The following DOCK1 variants were observed in gnomAD, a reference collection of about 807,000 sequenced individuals.
DOCK1 encodes dedicator of cytokinesis 1.
Under a neutral mutation model 262.7 loss-of-function variants are expected in DOCK1, and 138 were observed. The ratio of observed to expected loss-of-function variants is 0.53; its 90% CI spans 0.46 to 0.61. The LOEUF is 0.61. DOCK1 is among the 20% of genes least tolerant of loss of function. The pLI, the probability that DOCK1 is intolerant of heterozygous loss-of-function variation, is 0.00. For synonymous variants in DOCK1, 866 were observed against 867.4 expected, an observed-to-expected ratio of 1.00 and a Z score of 0.03; for missense variants, 1,908 against 2,370.7, an observed-to-expected ratio of 0.80 and a Z score of 4.05.
chr10:127,420,589 C>A (rs2068443385), intron 46 of DOCK1, among the ~76,000 whole-genome samples: 1 of 152,070 alleles, frequency 6.6e-6, no homozygotes. Flanking sequence ...GTGTCGTAGC[C>A]CAGGCCACTT....
intron 21 of DOCK1, among the ~76,000 whole-genome samples, chr10:127,044,757 C>T (rs534455420): frequency 1.3e-5 from 2 of 152,334 alleles, no homozygotes; most frequent in African/African-American, 4.8e-5. Context: ...TGGCGCCAGC[C>T]TTTCCATGCT....
chr10:127,421,505 T>C (rs1218450974), intron 46 of DOCK1, among the ~76,000 whole-genome samples: 1 of 152,178 alleles, frequency 6.6e-6, no homozygotes, highest in African/African-American at 2.4e-5. Flanking sequence ...CATTTTTAAG[T>C]GTCCAGTTCA....
chr10:127,317,754 C>T (rs780799881), intron 29 of DOCK1, among the ~76,000 whole-genome samples: 5 of 152,082 alleles, frequency 3.3e-5, no homozygotes, highest in Non-Finnish European at 4.4e-5. Context: ...TGAAACTTGC[C>T]GGTGTGCCTG....
chr10:126,981,133 A>T (rs2038942548), intron 3 of DOCK1, among the ~76,000 whole-genome samples: 1 of 151,978 alleles, frequency 6.6e-6, no homozygotes, highest in Admixed American at 6.6e-5. Context: ...TTTTTAGTAG[A>T]GATGGGGTTT....
In DOCK1 at chr10:127,446,105, C is replaced by T. The variant is rs188893957; in HGVS notation, c.5414-1289C>T. ...TCTCTACTAAAAATACAATAATTAG[C>T]TGGGTGTGGTGGTGCGTGCCTATAA... On this transcript the variant is annotated intron_variant, in intron 50 of 51. Transcript: ENST00000623213. The surrounding 1 kb of genome is among the most constrained non-coding windows in gnomAD (Gnocchi z 4.4). 1.6e-3 allele frequency among the ~76,000 whole-genome samples: 248 copies of T among 152,082 alleles called. No individual in the cohort carries two copies. Among genetic ancestry groups the T allele is most frequent in the African/African-American group, 5.8e-3 (242 of 41,490 alleles).
intron 1 of DOCK1, among the ~76,000 whole-genome samples, chr10:126,941,325 G>T (rs2134251098): frequency 6.6e-6 from 1 of 152,328 alleles, no homozygotes; most frequent in Non-Finnish European, 1.5e-5. Context: ...AGTTTAAAAA[G>T]ATTGTTTTAT....
intron 1 of DOCK1, among the ~76,000 whole-genome samples, chr10:126,936,090 C>T (rs2034541066): frequency 6.6e-6 from 1 of 152,202 alleles, no homozygotes; most frequent in African/African-American, 2.4e-5. Context: ...AAGTGATCTT[C>T]CCACCTCAGC....
At chr10:127,242,501 A>G (rs1047825253) in intron 27 of DOCK1, among the ~76,000 whole-genome samples, 3 of 152,164 alleles carry the variant, frequency 2.0e-5, no homozygotes, top group African/African-American at 7.2e-5. Flanking sequence ...ATTTATTTCA[A>G]ATCATTTTAA....
At chr10:127,008,317 C>T (rs978698844) in intron 10 of DOCK1, among the ~76,000 whole-genome samples, 3 of 152,136 alleles carry the variant, frequency 2.0e-5, no homozygotes, top group Admixed American at 6.5e-5. Flanking sequence ...AGGCTAGTCT[C>T]GAACTCCTGG....
chr10:127,307,730 C>T (rs141559203), intron 29 of DOCK1, among the ~76,000 whole-genome samples: 1 of 152,220 alleles, frequency 6.6e-6, no homozygotes, highest in African/African-American at 2.4e-5. Flanking sequence ...CTGAGTTCAG[C>T]GCACATCCTG....
intron 1 of DOCK1, among the ~76,000 whole-genome samples, chr10:126,944,554 C>A (rs2035253687): frequency 6.6e-6 from 1 of 152,034 alleles, no homozygotes; most frequent in South Asian, 2.1e-4. Flanking sequence ...TCCCAAAGAA[C>A]AACTGCGCAA....
chr10:127,241,768 A>G (rs986710169), intron 27 of DOCK1, among the ~76,000 whole-genome samples: 1 of 152,104 alleles, frequency 6.6e-6, no homozygotes, highest in African/African-American at 2.4e-5. Context: ...ATCAAACTAA[A>G]CAGGTGTTTC....
chr10:126,948,717 C>T (rs950221277), intron 1 of DOCK1, among the ~76,000 whole-genome samples: 2 of 152,132 alleles, frequency 1.3e-5, no homozygotes, highest in Admixed American at 6.5e-5. Context: ...ATGCGGGCGC[C>T]CAGCTGTGCA....
In DOCK1 at chr10:126,952,850, A is replaced by G. The variant is rs1008162692; in HGVS notation, c.47-17852A>G. On this transcript the variant is annotated intron_variant, in intron 1 of 51. Transcript: ENST00000623213. ...TGGTGGTGGTGGTAGTGTTGGTAGT[A>G]TTGTTGGTGATGTGGTAGTATTGTT... 9.9e-5 allele frequency among the ~76,000 whole-genome samples: 15 copies of G among 151,452 alleles called. No homozygotes were observed. In the East Asian group the frequency reaches 2.8e-3, roughly 28 times the overall value.
chr10:127,270,636 G>A (rs2060529119), intron 29 of DOCK1, among the ~76,000 whole-genome samples: 3 of 151,926 alleles, frequency 2.0e-5, no homozygotes, highest in Admixed American at 2.0e-4. Flanking sequence ...TGGATGTGCA[G>A]TGGTGTGTAG....
chr10:127,270,473 A>G (rs1437278303), intron 29 of DOCK1, among the ~76,000 whole-genome samples: 1 of 152,208 alleles, frequency 6.6e-6, no homozygotes, highest in Admixed American at 6.5e-5. Flanking sequence ...AATGAATCAC[A>G]GCTGATGCCA....
chr10:127,383,101 T>C (rs976934549), intron 37 of DOCK1, among the ~76,000 whole-genome samples: 2 of 152,202 alleles, frequency 1.3e-5, no homozygotes, highest in African/African-American at 4.8e-5. Context: ...GTTGCGAAAA[T>C]TCTTCAGTAT....
At chr10:126,949,790 G>A (rs1237986941) in intron 1 of DOCK1, among the ~76,000 whole-genome samples, 3 of 152,190 alleles carry the variant, frequency 2.0e-5, no homozygotes, top group Non-Finnish European at 4.4e-5. Flanking sequence ...TATTTCTTGT[G>A]ACTTTTGTTT....
chr10:127,423,838 C>T (rs544611175), intron 46 of DOCK1, among the ~76,000 whole-genome samples: 63 of 152,138 alleles, frequency 4.1e-4, no homozygotes, highest in Middle Eastern at 3.4e-3. Context: ...ATCAGGAGGG[C>T]GTCTTTGTAG....
Sources: gnomAD v4.1 joint callset for allele counts (sites outside exome capture counted in the v4.1 genomes callset) on GRCh38, gnomAD v4.1.1 for gene constraint, Gnocchi (gnomAD v3.1) non-coding constraint, MANE v1.5 for transcripts, NCBI Gene and HGNC (gene_info 2026-07-23, HGNC 2026-07-21) for gene names.